The following RIMS2 variants were observed in gnomAD, a reference collection of about 807,000 sequenced individuals.
RIMS2 encodes regulating synaptic membrane exocytosis 2, also known as regulating synaptic membrane exocytosis protein 2.
A neutral mutation model predicts 174.4 loss-of-function variants in RIMS2; 59 were observed. The ratio of observed to expected loss-of-function variants is 0.34; its 90% CI spans 0.27 to 0.42. RIMS2 has a LOEUF of 0.42. RIMS2 is among the 10% of genes least tolerant of loss of function. The probability of loss-of-function intolerance (pLI) is 1.00; values close to 1 mark genes in which losing one functional copy is unlikely to be tolerated. For synonymous variants in RIMS2, 606 were observed against 572.5 expected (o/e 1.06, Z -0.84); for missense variants, 1,620 against 1,666.3 (o/e 0.97, Z 0.48).
At chr8:103,521,224 A>G (rs1295563180) in intron 1 of RIMS2, among the ~76,000 whole-genome samples, 1 of 152,016 alleles carries the variant, frequency 6.6e-6, no homozygotes, top group East Asian at 1.9e-4. Flanking sequence ...AACATGGCAC[A>G]TGTATACATA....
exon 4 of RIMS2, chr8:103,885,378 C>A: frequency 9.9e-6 from 16 of 1,612,562 alleles, no homozygotes; most frequent in Non-Finnish European, 1.4e-5. Flanking sequence ...TCACAGTATG[C>A]TACTTCGGAT....
chr8:104,132,850 C>T (rs4734745), intron 19 of RIMS2, among the ~76,000 whole-genome samples: 76,849 of 152,048 alleles, frequency 0.51, 20,773 homozygotes, highest in East Asian at 0.9. Flanking sequence ...CAGCAGTTCT[C>T]AAAATGTGCT....
Position 103,863,092 on chromosome 8 carries a change from G to A in RIMS2, c.699-22206G>A, listed in dbSNP as rs191388349. Among the ~76,000 whole-genome samples the A allele has an allele frequency of 2.7e-3, 414 of 152,198 alleles. 4 individuals carry two copies. Among genetic ancestry groups the A allele is most frequent in the African/African-American group, 9.4e-3 (391 of 41,534 alleles). On this transcript the variant is annotated intron_variant, in intron 3 of 23. Coordinates refer to ENST00000504942, the Ensembl canonical transcript of RIMS2. ...CTTTTCCCCATTCACTATGATATTG[G>A]CTGTGGGTTTGTCATAAATAGCTCT...
intron 19 of RIMS2, among the ~76,000 whole-genome samples, chr8:104,096,366 T>C (rs1406829723): frequency 6.6e-6 from 1 of 152,156 alleles, no homozygotes; most frequent in Non-Finnish European, 1.5e-5. Context: ...TAGTACTTGC[T>C]TCATTATTTT....
At chr8:104,107,440 T>C (rs1253369587) in intron 19 of RIMS2, among the ~76,000 whole-genome samples, 28 of 152,194 alleles carry the variant, frequency 1.8e-4, no homozygotes, top group Admixed American at 1.8e-3. Context: ...ATCATTTTTA[T>C]CTTTTTATTT....
chr8:104,238,316 G>A (rs2099269545), intron 19 of RIMS2, among the ~76,000 whole-genome samples: 1 of 152,066 alleles, frequency 6.6e-6, no homozygotes, highest in Admixed American at 6.6e-5. Flanking sequence ...GGGGCAAGGG[G>A]AGGGAGAGCA....
intron 1 of RIMS2, among the ~76,000 whole-genome samples, chr8:103,672,282 A>G (rs547569228): frequency 2.8e-4 from 43 of 152,086 alleles, no homozygotes; most frequent in Admixed American, 5.9e-4. Flanking sequence ...TTATATGCAA[A>G]TCTTGTTCAA....
rs898848133 is a variant in RIMS2 at position 103,509,453 on chromosome 8, C to T, written c.176+8391C>T. On this transcript the variant is annotated intron_variant, in intron 1 of 23. Coordinates refer to ENST00000504942, the Ensembl canonical transcript of RIMS2. ...GGCTTAGCAAGGACAAATTTCCTTC[C>T]CTGTATATATTTCTGTATCACCTCT... Among the ~76,000 whole-genome samples the T allele has an allele frequency of 8.6e-5, 13 of 152,004 alleles. No homozygotes were observed. In the South Asian group the frequency reaches 2.7e-3, roughly 32 times the overall value.
intron 2 of RIMS2, among the ~76,000 whole-genome samples, chr8:103,708,762 G>A (rs987686529): frequency 1.3e-5 from 2 of 152,082 alleles, no homozygotes; most frequent in Non-Finnish European, 2.9e-5. Flanking sequence ...CTAGTTGTGT[G>A]CAATTAAATT....
intron 16 of RIMS2, among the ~76,000 whole-genome samples, chr8:103,983,407 C>A (rs367746668): frequency 6.6e-6 from 1 of 152,198 alleles, no homozygotes; most frequent in African/African-American, 2.4e-5. Flanking sequence ...TTCTAAAATT[C>A]ATGTGGAGCC....
At chr8:103,824,078 T>A (rs963583196) in intron 3 of RIMS2, among the ~76,000 whole-genome samples, 25 of 152,090 alleles carry the variant, frequency 1.6e-4, no homozygotes, top group Non-Finnish European at 2.9e-4. Flanking sequence ...TCATTAGTAT[T>A]TTCACTAGAA....
chr8:103,606,593 C>T (rs1227571017), intron 1 of RIMS2, among the ~76,000 whole-genome samples: 1 of 152,094 alleles, frequency 6.6e-6, no homozygotes, highest in Non-Finnish European at 1.5e-5. Flanking sequence ...CTAATATTGA[C>T]AGTGGGGTGT....
At chr8:103,697,568 A>C (rs141220628) in intron 2 of RIMS2, among the ~76,000 whole-genome samples, 4,029 of 151,360 alleles carry the variant, frequency 0.027, 59 homozygotes, top group African/African-American at 0.031. Context: ...AACAAAAAAA[A>C]CCCACAAAAA....
At chr8:104,252,527 CA>C (rs34435746), downstream of RIMS2, 4,313 of 130,308 alleles carry the variant, frequency 0.033, 99 homozygotes, top group Non-Finnish European at 0.043. Flanking sequence ...CTGCAACTTG[CA>C]AAAAAAAAAA....
chr8:103,560,135 C>G (rs2091346493), intron 1 of RIMS2, among the ~76,000 whole-genome samples: 1 of 152,168 alleles, frequency 6.6e-6, no homozygotes, highest in South Asian at 2.1e-4. Context: ...AACAATAAGT[C>G]AGTGCATCTT....
chr8:103,915,141 A>G (rs139039854), intron 6 of RIMS2, among the ~76,000 whole-genome samples: 2 of 152,192 alleles, frequency 1.3e-5, no homozygotes, highest in African/African-American at 4.8e-5. Flanking sequence ...ATTTACATCT[A>G]TAACTAGAAA....
intron 1 of RIMS2, among the ~76,000 whole-genome samples, chr8:103,540,435 A>G (rs1052654082): frequency 3.3e-5 from 5 of 152,178 alleles, no homozygotes; most frequent in Non-Finnish European, 5.9e-5. Flanking sequence ...CACAGAGACA[A>G]CATAGCGGCA....
At chr8:104,251,806 T>C (rs2099359985) in exon 24 of RIMS2, 1 of 1,601,056 alleles carries the variant, frequency 6.2e-7, no homozygotes, top group Admixed American at 1.7e-5. Flanking sequence ...TGGACCTTCT[T>C]ACTCTCGTTC....
At chr8:104,170,982 C>T (rs2098828889) in intron 19 of RIMS2, among the ~76,000 whole-genome samples, 1 of 152,134 alleles carries the variant, frequency 6.6e-6, no homozygotes, top group Admixed American at 6.5e-5. Context: ...GATAGGACCC[C>T]AATCCCTTCT....
Sources: gnomAD v4.1 joint callset for allele counts (sites outside exome capture counted in the v4.1 genomes callset) on GRCh38, gnomAD v4.1.1 for gene constraint, MANE v1.5 for transcripts, NCBI Gene and HGNC (gene_info 2026-07-23, HGNC 2026-07-21) for gene names.